Variants in PARD3 observed in about 807,000 individuals in gnomAD.
PARD3 encodes the protein partitioning defective 3 homolog.
In PARD3, 75 loss-of-function variants were observed where a neutral mutation model predicts 155.4. That is an observed-to-expected ratio of 0.48 (90% CI 0.40 to 0.58). The LOEUF (loss-of-function observed/expected upper bound fraction) is 0.58, where lower values mean the gene tolerates loss of function less well. Among genes scored for constraint, PARD3 ranks in the 20% least tolerant of loss-of-function variants. The pLI is 0.00. For synonymous variants in PARD3, 576 were observed against 610.5 expected, an observed-to-expected ratio of 0.94 and a Z score of 0.83; for missense variants, 1,642 against 1,721.7, an observed-to-expected ratio of 0.95 and a Z score of 0.82.
chr10:34,437,097 A>T (rs931767221), intron 5 of PARD3, among the ~76,000 whole-genome samples: 2 of 152,044 alleles, frequency 1.3e-5, no homozygotes, highest in Non-Finnish European at 2.9e-5. Context: ...ATGTTATCAA[A>T]TTAATCCCCC....
At chr10:34,352,109 C>T (rs949127463) in intron 14 of PARD3, among the ~76,000 whole-genome samples, 6 of 152,188 alleles carry the variant, frequency 3.9e-5, no homozygotes, top group African/African-American at 1.4e-4. Flanking sequence ...CATAAAATCA[C>T]TTCTAACATG....
At chr10:34,655,983 G>A (rs1014306039) in intron 2 of PARD3, among the ~76,000 whole-genome samples, 2 of 152,042 alleles carry the variant, frequency 1.3e-5, no homozygotes, top group South Asian at 2.1e-4. Flanking sequence ...TTTTTTAATC[G>A]TGTTCTTCAA....
At chr10:34,608,534 CT>C (rs71299715) in intron 2 of PARD3, among the ~76,000 whole-genome samples, 2,432 of 125,334 alleles carry the variant, frequency 0.019, 27 homozygotes, top group Middle Eastern at 0.029. Context: ...AAAAAGAATA[CT>C]TTTTTTTTTT....
chr10:34,496,327 T>C (rs1397698137), intron 3 of PARD3, among the ~76,000 whole-genome samples: 2 of 152,022 alleles, frequency 1.3e-5, no homozygotes, highest in South Asian at 4.1e-4. Context: ...CTGGCAAGAA[T>C]AGCTGAGAAG....
chr10:34,397,287 T>C lies in PARD3; in HGVS notation c.890+2043A>G, dbSNP rs139329238. ...ATCTGTGAGGAACCATGACTATCAA[T>C]TCCACAAAGAAGCTTAACCATGCAA... On this transcript the variant is annotated intron_variant, in intron 7 of 24. Transcript: ENST00000374788. Among the ~76,000 whole-genome samples the C allele has an allele frequency of 2.5e-3, 388 of 152,322 alleles. 3 individuals carry two copies. Among genetic ancestry groups the C allele is most frequent in the Non-Finnish European group, 4.5e-3 (304 of 68,022 alleles).
intron 20 of PARD3, among the ~76,000 whole-genome samples, chr10:34,302,870 C>T (rs1238158104): frequency 6.6e-6 from 1 of 152,162 alleles, no homozygotes; most frequent in Non-Finnish European, 1.5e-5. Context: ...ATGTCCCCAT[C>T]TCCCTTTCAC....
intron 2 of PARD3, among the ~76,000 whole-genome samples, chr10:34,552,158 C>A (rs960806067): frequency 3.3e-5 from 5 of 152,206 alleles, no homozygotes; most frequent in Non-Finnish European, 7.3e-5. Context: ...GTCACCCAAG[C>A]TGGAGTACAG....
intron 20 of PARD3, chr10:34,312,253 C>G (rs1456233021): frequency 6.3e-7 from 1 of 1,588,270 alleles, no homozygotes; most frequent in East Asian, 2.2e-5. Context: ...CGTCAACAGC[C>G]ACTAAGAATT....
chr10:34,444,081 G>GA (rs2076611874), intron 5 of PARD3, among the ~76,000 whole-genome samples: 1 of 152,112 alleles, frequency 6.6e-6, no homozygotes, highest in Admixed American at 6.5e-5. Context: ...CTAAAACATG[G>GA]AAAAAACATG....
chr10:34,389,698 G>A (rs563481811), intron 7 of PARD3, among the ~76,000 whole-genome samples: 4 of 152,172 alleles, frequency 2.6e-5, no homozygotes, highest in Non-Finnish European at 5.9e-5. Context: ...AACAAGAACC[G>A]CTCAGCTCCC....
chr10:34,159,667 T>A (rs143664687), intron 22 of PARD3, among the ~76,000 whole-genome samples: 38 of 152,224 alleles, frequency 2.5e-4, no homozygotes, highest in South Asian at 8.3e-4. Context: ...TATCCATTAG[T>A]GTATCTACAA....
chr10:34,504,062 T>C (rs914512619), intron 3 of PARD3, among the ~76,000 whole-genome samples: 1 of 152,148 alleles, frequency 6.6e-6, no homozygotes, highest in African/African-American at 2.4e-5. Context: ...CATCAACCCA[T>C]TCTTGAGCAA....
rs752636492 is a variant in PARD3, at chr10:34,111,543, T to C, written c.3688A>G (p.Ser1230Gly). ...SLPRQSRKNA[S>G]SVSQDSWEQN... ...TCCCAAGAGTCCTGGGAGACCGAGC[T>C]GGCATTTTTCCTGCTTTGCCTAGAA... Residue 1230 changes from serine (S) to glycine (G), a missense_variant, in exon 25 of 25, where the codon AGC becomes GGC. This residue lies in a region of PARD3 where 1,529 missense variants were observed against 1,587.3 expected (regional missense o/e 0.96). Coordinates refer to ENST00000374788, the MANE Select transcript of PARD3 (RefSeq NM_001184785.2). The C allele has an allele frequency of 3.8e-6, 6 of 1,596,372 alleles. No individual in the cohort carries two copies. Among genetic ancestry groups the C allele is most frequent in the Non-Finnish European group, 5.1e-6 (6 of 1,168,004 alleles).
chr10:34,279,861 T>A (rs1217758081), intron 21 of PARD3, among the ~76,000 whole-genome samples: 3 of 152,218 alleles, frequency 2.0e-5, no homozygotes, highest in African/African-American at 7.2e-5. Flanking sequence ...TCAGATCATC[T>A]GTTTCCTAAG....
intron 19 of PARD3, among the ~76,000 whole-genome samples, chr10:34,319,384 A>G (rs1016691591): frequency 3.3e-5 from 5 of 152,154 alleles, no homozygotes; most frequent in Non-Finnish European, 5.9e-5. Context: ...CACCCAGCCC[A>G]AGCATATAAA....
At chr10:34,397,641 T>C (rs889932821) in intron 7 of PARD3, among the ~76,000 whole-genome samples, 1 of 152,222 alleles carries the variant, frequency 6.6e-6, no homozygotes, top group Non-Finnish European at 1.5e-5. Context: ...TATTTTTCCA[T>C]CTTACTCTCC....
chr10:34,237,080 C>T (rs149841174), intron 22 of PARD3, among the ~76,000 whole-genome samples: 3 of 152,216 alleles, frequency 2.0e-5, no homozygotes, highest in East Asian at 1.9e-4. Flanking sequence ...TTACAGCCCT[C>T]GATACACATT....
chr10:34,566,877 T>C (rs2085986972), intron 2 of PARD3, among the ~76,000 whole-genome samples: 2 of 152,222 alleles, frequency 1.3e-5, no homozygotes, highest in African/African-American at 4.8e-5. Context: ...TAAGTGTTAT[T>C]ATTAACACTC....
chr10:34,225,596 T>C (rs1474211642), intron 22 of PARD3, among the ~76,000 whole-genome samples: 1 of 152,180 alleles, frequency 6.6e-6, no homozygotes, highest in Non-Finnish European at 1.5e-5. Flanking sequence ...TCAACCCACC[T>C]TGGCCTCCTA....
Sources: allele counts gnomAD v4.1 joint callset (sites outside exome capture counted in the v4.1 genomes callset), GRCh38; gene constraint gnomAD v4.1.1; regional missense constraint gnomAD v4.1.1; transcripts MANE v1.5; gene names NCBI Gene and HGNC (gene_info 2026-07-23, HGNC 2026-07-21).